MYO5A: variants seen among roughly 807,000 people sequenced by gnomAD.
The protein encoded by MYO5A is myosin VA.
MYO5A carries 98 observed loss-of-function variants against 249.7 expected under a neutral mutation model. That is an observed-to-expected ratio of 0.39 (90% CI 0.33 to 0.46). The LOEUF (loss-of-function observed/expected upper bound fraction) is 0.46. MYO5A is among the 20% of genes least tolerant of loss of function. The pLI, the probability that MYO5A is intolerant of heterozygous loss-of-function variation, is 0.98. For missense variants in MYO5A, 1,696 were observed against 2,308.8 expected (o/e 0.73, Z 5.44); for synonymous variants, 778 against 810.6 (o/e 0.96, Z 0.68).
chr15:52,465,008 C>T lies in MYO5A; in HGVS notation c.28-31723G>A, dbSNP rs76014431. On this transcript the variant is annotated intron_variant, in intron 1 of 41. Transcript: ENST00000399233. ...CTGTATTGGCCACACTGGGAGTCAGCTTTACCTAAGGGCAGGGGCAAGGAG... is the reference window on the plus strand; with the variant it reads ...CTGTATTGGCCACACTGGGAGTCAGTTTTACCTAAGGGCAGGGGCAAGGAG... Among the ~76,000 whole-genome samples the T allele has an allele frequency of 2.9e-3, 441 of 152,270 alleles. 1 individual carries two copies. Among genetic ancestry groups the T allele is most frequent in the African/African-American group, 0.01 (422 of 41,556 alleles).
chr15:52,392,003 T>C lies in MYO5A; in HGVS notation c.1469A>G (p.Tyr490Cys), dbSNP rs745316383. 10 of 1,611,500 alleles carry C rather than the reference T, an allele frequency of 6.2e-6. No individual in the cohort carries two copies. Among genetic ancestry groups the C allele is most frequent in the Non-Finnish European group, 8.5e-6 (10 of 1,178,052 alleles). Reference protein sequence around the residue: ...EQIPWTLIDFYDNQPCINLIE... With the variant: ...EQIPWTLIDFCDNQPCINLIE... ...AAGATTAATACAAGGCTGATTATCA[T>C]AAAAATCTATGAGTGTCCATGGAAT... Residue 490 changes from tyrosine to cysteine, a missense_variant, in exon 12 of 42, where the codon TAT becomes TGT. By Grantham distance (194) the Tyr-to-Cys change is radical (BLOSUM62 -2). Around this residue, in one of 5 missense-constraint regions of MYO5A, gnomAD observed 277 missense variants for 422.4 expected, o/e 0.66. Transcript: ENST00000399233.
At chr15:52,528,989 G>A (rs967902461), upstream of MYO5A, 18 of 302,880 alleles carry the variant, frequency 5.9e-5, no homozygotes, top group Non-Finnish European at 8.8e-5. Flanking sequence ...CCGCCCGCAG[G>A]GGCCTCGCCA....
At chr15:52,438,156 T>A in intron 1 of MYO5A, 1 of 576,688 alleles carries the variant, frequency 1.7e-6, no homozygotes, top group Non-Finnish European at 2.2e-6. Context: ...AATCTCAACC[T>A]GATATGCCAC....
At chr15:52,503,054 G>A (rs1042258558) in intron 1 of MYO5A, among the ~76,000 whole-genome samples, 1 of 152,114 alleles carries the variant, frequency 6.6e-6, no homozygotes, top group African/African-American at 2.4e-5. Context: ...GATAAAGAGA[G>A]GTTGATTAAT....
At chr15:52,452,216 C>T (rs2076033606) in intron 1 of MYO5A, among the ~76,000 whole-genome samples, 1 of 151,974 alleles carries the variant, frequency 6.6e-6, no homozygotes, top group Non-Finnish European at 1.5e-5. Context: ...AGACAGTTCC[C>T]AGGGCCACAG....
At chr15:52,406,305 C>A (rs1422554247) in intron 8 of MYO5A, among the ~76,000 whole-genome samples, 2 of 152,140 alleles carry the variant, frequency 1.3e-5, no homozygotes, top group Non-Finnish European at 2.9e-5. Flanking sequence ...CACTCTGTCA[C>A]CCAGGCTGGA....
chr15:52,476,750 G>T, intron 1 of MYO5A, among the ~76,000 whole-genome samples: 1 of 152,156 alleles, frequency 6.6e-6, no homozygotes, highest in Admixed American at 6.5e-5. Context: ...TAGAGTTTCT[G>T]CCGAGAGATC....
chr15:52,527,170 A>G (rs2077744247), intron 1 of MYO5A, among the ~76,000 whole-genome samples: 2 of 152,238 alleles, frequency 1.3e-5, no homozygotes, highest in South Asian at 4.1e-4. Context: ...GATGGGCTAC[A>G]CAAAGTAACC....
intron 9 of MYO5A, among the ~76,000 whole-genome samples, chr15:52,404,708 A>G (rs1351481114): frequency 6.6e-6 from 1 of 152,146 alleles, no homozygotes; most frequent in Non-Finnish European, 1.5e-5. Flanking sequence ...TGGCTAGGGA[A>G]GAAGAGCAAT....
At chr15:52,336,332 C>A in intron 34 of MYO5A, 131 bp downstream of exon 34, 1 of 658,110 alleles carries the variant, frequency 1.5e-6, no homozygotes, top group Non-Finnish European at 2.7e-6. Flanking sequence ...TTAGGTTTGC[C>A]AAAAGTCATA....
intron 1 of MYO5A, among the ~76,000 whole-genome samples, chr15:52,475,729 T>C (rs1317706161): frequency 3.3e-5 from 5 of 152,238 alleles, no homozygotes; most frequent in Admixed American, 6.5e-5. Context: ...GAGTTCTAGT[T>C]TGATTGCACT....
chr15:52,484,157 T>C (rs559908421), intron 1 of MYO5A, among the ~76,000 whole-genome samples: 217 of 152,326 alleles, frequency 1.4e-3, no homozygotes, highest in African/African-American at 5.0e-3. Flanking sequence ...AATCACTAAA[T>C]GACTATAAGA....
chr15:52,354,428 G>A (rs1309921792), intron 25 of MYO5A, among the ~76,000 whole-genome samples: 1 of 152,106 alleles, frequency 6.6e-6, no homozygotes, highest in African/African-American at 2.4e-5. Context: ...AAAAATATAT[G>A]GAAAAAGATG....
intron 1 of MYO5A, among the ~76,000 whole-genome samples, chr15:52,483,841 A>G (rs1884978126): frequency 6.6e-6 from 1 of 152,252 alleles, no homozygotes; most frequent in African/African-American, 2.4e-5. Context: ...ACAACGATTT[A>G]GAAAAACAGT....
chr15:52,479,208 C>T (rs1371911586), intron 1 of MYO5A, among the ~76,000 whole-genome samples: 1 of 151,994 alleles, frequency 6.6e-6, no homozygotes, highest in Non-Finnish European at 1.5e-5. Flanking sequence ...GAATGCCTGA[C>T]CTCCAGTGAC....
intron 1 of MYO5A, among the ~76,000 whole-genome samples, chr15:52,479,984 G>A (rs1473468303): frequency 6.6e-6 from 1 of 152,180 alleles, no homozygotes; most frequent in Admixed American, 6.5e-5. Context: ...CTGCACCTGT[G>A]ATGGAAGTAA....
Position 52,407,272 on chromosome 15 carries a change from C to T in MYO5A, c.946+20G>A. 1 of 1,563,964 alleles carries T rather than the reference C, an allele frequency of 6.4e-7. No individual in the cohort carries two copies. Among genetic ancestry groups the T allele is most frequent in the Non-Finnish European group, 8.8e-7 (1 of 1,134,356 alleles). ...AAAAAAGCTATTCCTCTTAAGAGCT[C>T]AAGAATAAAGTGACATTACCTAGCA... On this transcript the variant is annotated intron_variant, in intron 8 of 41. Coordinates refer to ENST00000399233, the MANE Select transcript of MYO5A (RefSeq NM_001382347.1).
intron 1 of MYO5A, among the ~76,000 whole-genome samples, chr15:52,499,566 T>C (rs1193790216): frequency 1.3e-5 from 2 of 152,230 alleles, no homozygotes; most frequent in Non-Finnish European, 2.9e-5. Flanking sequence ...AGGTACTTCA[T>C]GTAAGTAGAA....
At chr15:52,439,440 T>A (rs1039023646) in intron 1 of MYO5A, among the ~76,000 whole-genome samples, 3 of 152,236 alleles carry the variant, frequency 2.0e-5, no homozygotes, top group Non-Finnish European at 4.4e-5. Context: ...TTTAGTTATT[T>A]ATGAATCTAC....
Sources: allele counts gnomAD v4.1 joint callset (sites outside exome capture counted in the v4.1 genomes callset), GRCh38; gene constraint gnomAD v4.1.1; regional missense constraint gnomAD v4.1.1; transcripts MANE v1.5; gene names NCBI Gene and HGNC (gene_info 2026-07-23, HGNC 2026-07-21).